Variants in NAV2 observed in about 807,000 individuals in gnomAD.
The protein encoded by NAV2 is neuron navigator 2.
A neutral mutation model predicts 223.2 loss-of-function variants in NAV2; 54 were observed. The ratio of observed to expected loss-of-function variants is 0.24; its 90% CI spans 0.19 to 0.30. The LOEUF (loss-of-function observed/expected upper bound fraction) is 0.30. Ranked by LOEUF, NAV2 falls within the 10% of genes least tolerant of loss-of-function variation. NAV2 has a pLI of 1.00. For synonymous variants in NAV2, 1,279 were observed against 1,239.3 expected, an observed-to-expected ratio of 1.03 and a Z score of -0.67; for missense variants, 2,806 against 3,147.5, an observed-to-expected ratio of 0.89 and a Z score of 2.60.
intron 1 of NAV2, among the ~76,000 whole-genome samples, chr11:19,640,552 G>A (rs1172856957): frequency 6.6e-6 from 1 of 151,838 alleles, no homozygotes; most frequent in Non-Finnish European, 1.5e-5. Flanking sequence ...ATATCTCAGG[G>A]GACCATTATT....
intron 1 of NAV2, among the ~76,000 whole-genome samples, chr11:19,656,251 TG>T (rs1386849579): frequency 6.6e-6 from 1 of 152,186 alleles, no homozygotes; most frequent in East Asian, 1.9e-4. Flanking sequence ...GGAGGCGCTC[TG>T]GGGCCAATTC....
intron 1 of NAV2, among the ~76,000 whole-genome samples, chr11:19,770,608 C>T (rs916901055): frequency 9.2e-5 from 14 of 152,196 alleles, no homozygotes; most frequent in Non-Finnish European, 2.9e-5. Context: ...CATGTCTGCT[C>T]TTGGGATATA....
chr11:19,872,327 C>A (rs2062565413), intron 4 of NAV2, among the ~76,000 whole-genome samples: 1 of 152,110 alleles, frequency 6.6e-6, no homozygotes, highest in African/African-American at 2.4e-5. Flanking sequence ...GTATTATCCC[C>A]CTCATGCAGA....
intron 1 of NAV2, among the ~76,000 whole-genome samples, chr11:19,641,227 C>T (rs536343387): frequency 1.3e-5 from 2 of 152,274 alleles, no homozygotes; most frequent in South Asian, 2.1e-4. Context: ...TTTGACTCTA[C>T]ATAGTTTGAC....
chr11:19,561,841 C>T (rs887396568), intron 1 of NAV2, among the ~76,000 whole-genome samples: 3 of 152,196 alleles, frequency 2.0e-5, no homozygotes, highest in Non-Finnish European at 4.4e-5. Context: ...GGCTCAGTTA[C>T]GGTTGCCACT....
chr11:20,103,132 G>A, intron 32 of NAV2, 123 bp from the exon 33 acceptor site: 1 of 902,352 alleles, frequency 1.1e-6, no homozygotes, highest in Non-Finnish European at 1.7e-6. Flanking sequence ...TGTGTTTACA[G>A]CGCAGAATCA....
intron 11 of NAV2, among the ~76,000 whole-genome samples, chr11:20,011,804 A>G (rs1369858932): frequency 6.6e-6 from 1 of 152,266 alleles, no homozygotes; most frequent in African/African-American, 2.4e-5. Flanking sequence ...ATTCCATTCT[A>G]TGTGGCGGAG....
At position 19,933,207 on chromosome 11, in the gene NAV2, C is replaced by T. The variant is rs148765914; in HGVS notation, c.963C>T (p.Pro321=). The T allele has an allele frequency of 8.0e-5, 124 of 1,551,820 alleles. No individual in the cohort carries two copies. The highest frequency in any genetic ancestry group is 2.5e-4 in the Admixed American group (13 of 51,594). ...TGGCAAGTTCAGCCTCCTCCCACCC[C>T]GGAATGAGTGACAATGCACCTGCTT... ...EPLASSASSH[P]GMSDNAPASL... Residue 321 remains proline, a synonymous_variant, in exon 7 of 38, where the codon CCC becomes CCT. Transcript: ENST00000349880. The surrounding 1 kb of genome is among the most constrained non-coding windows in gnomAD (Gnocchi z 4.3).
chr11:19,839,840 G>A (rs1179032092), intron 2 of NAV2, among the ~76,000 whole-genome samples: 15 of 152,222 alleles, frequency 9.9e-5, no homozygotes, highest in African/African-American at 2.9e-4. Context: ...TCTTGAATAC[G>A]CTGGGATAAA....
intron 1 of NAV2, among the ~76,000 whole-genome samples, chr11:19,527,472 G>A (rs1031214491): frequency 3.9e-5 from 6 of 152,018 alleles, no homozygotes; most frequent in Admixed American, 3.3e-4. Context: ...TCTCCCAGCC[G>A]ATAGCCACAC....
chr11:20,075,324 C>T (rs533609633), intron 22 of NAV2, among the ~76,000 whole-genome samples: 28 of 151,852 alleles, frequency 1.8e-4, no homozygotes, highest in South Asian at 4.2e-4. Flanking sequence ...CCCGGGTTCA[C>T]GCCATTCTCC....
intron 14 of NAV2, among the ~76,000 whole-genome samples, chr11:20,047,736 T>G (rs2057591550): frequency 6.6e-6 from 1 of 152,186 alleles, no homozygotes; most frequent in Non-Finnish European, 1.5e-5. Flanking sequence ...TTTACAATAC[T>G]TGAGATTTAT....
intron 1 of NAV2, among the ~76,000 whole-genome samples, chr11:19,523,836 C>A (rs1297559725): frequency 6.6e-6 from 1 of 152,218 alleles, no homozygotes. Context: ...CCACTCTGAG[C>A]CTCCTGTATC....
intron 6 of NAV2, among the ~76,000 whole-genome samples, chr11:19,896,135 T>G (rs924890044): frequency 6.6e-6 from 1 of 152,136 alleles, no homozygotes; most frequent in African/African-American, 2.4e-5. Flanking sequence ...GGCATTGCAC[T>G]CTCAGGTGAG....
chr11:19,425,115 A>G (rs1389588247), intron 1 of NAV2, among the ~76,000 whole-genome samples: 1 of 152,226 alleles, frequency 6.6e-6, no homozygotes, highest in Non-Finnish European at 1.5e-5. Flanking sequence ...TGGAATAATA[A>G]GGCAAAGTGG....
intron 1 of NAV2, among the ~76,000 whole-genome samples, chr11:19,749,138 C>T (rs1045570215): frequency 1.9e-4 from 29 of 152,122 alleles, no homozygotes; most frequent in Non-Finnish European, 2.9e-5. Context: ...TGACAGTGAT[C>T]GATTCATTTC....
Position 19,964,492 on chromosome 11 carries a change from C to CATTT in NAV2, c.2645+15412_2645+15413insATTT, listed in dbSNP as rs60424234. On this transcript the variant is annotated intron_variant, in intron 10 of 37. Transcript: ENST00000349880. ...TATATACATTATCTCTTTTCATCCT[C>CATTT]TTTTTTTTTTTTTTTATGAGACAGG... is the stretch of plus-strand genomic sequence containing the variant. Among the ~76,000 whole-genome samples the CATTT allele has an allele frequency of 5.8e-3, 855 of 146,642 alleles. 11 individuals are homozygous for CATTT. Among genetic ancestry groups the CATTT allele is most frequent in the African/African-American group, 0.018 (701 of 39,496 alleles).
intron 7 of NAV2, among the ~76,000 whole-genome samples, chr11:19,938,760 A>C (rs1253384732): frequency 6.6e-6 from 1 of 152,214 alleles, no homozygotes; most frequent in Non-Finnish European, 1.5e-5. Context: ...TAAAGATAAC[A>C]GAATTGAGAA....
intron 11 of NAV2, among the ~76,000 whole-genome samples, chr11:19,996,691 G>A (rs1056312853): frequency 7.2e-5 from 11 of 152,264 alleles, no homozygotes; most frequent in Middle Eastern, 3.4e-3. Flanking sequence ...GCTGTTTTGC[G>A]TCTCAGTAAT....
Sources: allele counts gnomAD v4.1 joint callset (sites outside exome capture counted in the v4.1 genomes callset), GRCh38; gene constraint gnomAD v4.1.1; non-coding constraint Gnocchi (gnomAD v3.1); transcripts MANE v1.5; gene names NCBI Gene and HGNC (gene_info 2026-07-23, HGNC 2026-07-21).